TRIP12: variants seen among roughly 807,000 people sequenced by gnomAD.
TRIP12 encodes the protein E3 ubiquitin-protein ligase TRIP12.
Under a neutral mutation model 244.2 loss-of-function variants are expected in TRIP12, and 25 were observed. The observed-to-expected ratio is 0.10, with a 90% CI of 0.07 to 0.14. The LOEUF is 0.14. TRIP12 is among the 10% of genes least tolerant of loss of function. TRIP12 has a pLI of 1.00. For missense variants in TRIP12, 1,677 were observed against 2,486.4 expected (o/e 0.67, Z 6.92); for synonymous variants, 905 against 873.1 (o/e 1.04, Z -0.64).
Position 229,767,454 on chromosome 2 carries a change from A to T in TRIP12, c.*100T>A, listed in dbSNP as rs1442289786. The T allele has an allele frequency of 7.3e-7, 1 of 1,378,882 alleles. No individual in the cohort carries two copies. Among genetic ancestry groups the T allele is most frequent in the Non-Finnish European group, 9.6e-7 (1 of 1,039,096 alleles). 85.4% of individuals were successfully genotyped at this position (1,378,882 alleles called of 1,614,324 possible). ...GCAAGCCGTTTTTCCTACAACAAGA[A>T]GGCGTAACATGTTTCCTTGACTCAG... On this transcript the variant is annotated 3_prime_UTR_variant, in exon 42 of 42. Transcript: ENST00000675903.
At chr2:229,830,919 T>A in intron 6 of TRIP12, 80 bp from the exon 7 acceptor site, 1 of 1,234,496 alleles carries the variant, frequency 8.1e-7, no homozygotes. Flanking sequence ...AAAACCAAAG[T>A]TTTGCGGACT....
intron 38 of TRIP12, among the ~76,000 whole-genome samples, chr2:229,773,377 T>C (rs1287781545): frequency 6.6e-6 from 1 of 151,910 alleles, no homozygotes; most frequent in Non-Finnish European, 1.5e-5. Flanking sequence ...CCCAGCCTAA[T>C]ATATATATAT....
At chr2:229,870,830 C>T (rs956006060) in intron 2 of TRIP12, among the ~76,000 whole-genome samples, 3 of 152,172 alleles carry the variant, frequency 2.0e-5, no homozygotes, top group African/African-American at 7.2e-5. Context: ...GGTACACTGA[C>T]AGCTTGTCCT....
chr2:229,872,104 TAAAAAAAAAAAAAA>T (rs34496202), intron 2 of TRIP12, among the ~76,000 whole-genome samples: 3 of 105,264 alleles, frequency 2.8e-5, no homozygotes, highest in African/African-American at 3.5e-5. Flanking sequence ...ACAGATATTG[TAAAAAAAAAAAAAA>T]AAAAAAAAAA....
intron 2 of TRIP12, among the ~76,000 whole-genome samples, chr2:229,861,759 T>C (rs2060517318): frequency 6.6e-6 from 1 of 152,180 alleles, no homozygotes; most frequent in African/African-American, 2.4e-5. Context: ...TAAAAGAAGG[T>C]AAGAAATTAG....
intron 1 of TRIP12, among the ~76,000 whole-genome samples, chr2:229,912,657 A>G (rs1042808658): frequency 2.6e-5 from 4 of 152,206 alleles, no homozygotes; most frequent in Non-Finnish European, 5.9e-5. Context: ...TAAACTTCCA[A>G]GTACCCACTG....
intron 40 of TRIP12, 44 bp downstream of exon 40, chr2:229,769,187 A>T: frequency 6.4e-7 from 1 of 1,567,634 alleles, no homozygotes; most frequent in Non-Finnish European, 8.7e-7. Context: ...CCCTCTCCAC[A>T]TTCTTCAGAA....
intron 8 of TRIP12, among the ~76,000 whole-genome samples, chr2:229,826,185 GAA>G (rs1232476842): frequency 6.6e-6 from 1 of 152,032 alleles, no homozygotes; most frequent in Non-Finnish European, 1.5e-5. Context: ...TCTCATAAAT[GAA>G]AAGTGATTAT....
chr2:229,899,694 G>A (rs1455642099), intron 1 of TRIP12, among the ~76,000 whole-genome samples: 2 of 152,180 alleles, frequency 1.3e-5, no homozygotes, highest in African/African-American at 4.8e-5. Context: ...TCCAGGAAGA[G>A]CTGGTATATA....
At chr2:229,831,123 A>T (rs1361047179) in intron 6 of TRIP12, 1 of 715,708 alleles carries the variant, frequency 1.4e-6, no homozygotes, top group East Asian at 2.7e-5. Context: ...CTGTTCTTTA[A>T]TTAAGATGTC....
chr2:229,833,842 A>C (rs936312235), intron 6 of TRIP12, among the ~76,000 whole-genome samples: 10 of 152,122 alleles, frequency 6.6e-5, no homozygotes, highest in Non-Finnish European at 1.3e-4. Context: ...CAAAAAAAAA[A>C]CAAAAAAACT....
rs796336153 is a variant in TRIP12 at position 229,906,388 on chromosome 2, G to GA, written c.-50+15491dup. Among the ~76,000 whole-genome samples, 1,018 of 142,612 alleles carry GA rather than the reference G, an allele frequency of 7.1e-3. 7 individuals carry two copies. Among genetic ancestry groups the GA allele is most frequent in the Non-Finnish European group, 9.3e-3 (610 of 65,406 alleles). The allele number at this position is 142,612 out of a possible 152,430, so 93.6% of individuals were successfully genotyped here. On this transcript the variant is annotated intron_variant, in intron 1 of 41. Transcript: ENST00000675903. ...TTCATCAGGTTTTACATCTATTTCT[G>GA]AAAAAAAAAAAATAAATAAAAGACT...
intron 8 of TRIP12, among the ~76,000 whole-genome samples, chr2:229,824,623 A>T (rs1275960675): frequency 2.0e-5 from 3 of 152,248 alleles, no homozygotes; most frequent in Non-Finnish European, 2.9e-5. Flanking sequence ...TCAGTTGAAC[A>T]TGCAACATGC....
At chr2:229,847,366 CCA>C (rs2057776723) in intron 4 of TRIP12, among the ~76,000 whole-genome samples, 1 of 152,124 alleles carries the variant, frequency 6.6e-6, no homozygotes, top group Non-Finnish European at 1.5e-5. Flanking sequence ...AAAGTAATGC[CCA>C]CTGTCATGTA....
At chr2:229,769,706 G>A (rs1354635737) in intron 39 of TRIP12, among the ~76,000 whole-genome samples, 2 of 151,908 alleles carry the variant, frequency 1.3e-5, no homozygotes, top group African/African-American at 4.8e-5. Flanking sequence ...GAAACACAAA[G>A]GTATACAGTA....
rs772709313 is a variant in TRIP12 at position 229,852,678 on chromosome 2, T to C, written c.1027+6094A>G. The stretch of plus-strand genomic sequence containing the variant: ...AATGACCTTTGTCTCAGAGCTGTTT[T>C]GATGAGATACAGCTGGCAAGCAGCA... On this transcript the variant is annotated intron_variant, in intron 4 of 41. Coordinates refer to ENST00000675903, the MANE Select transcript of TRIP12 (RefSeq NM_001348323.3). Among the ~76,000 whole-genome samples, 8 of 152,196 alleles carry C rather than the reference T, an allele frequency of 5.3e-5. No individual in the cohort carries two copies. In the South Asian group the frequency reaches 1.7e-3, roughly 32 times the overall value.
At chr2:229,816,084 G>C (rs2048426489) in intron 9 of TRIP12, among the ~76,000 whole-genome samples, 1 of 152,060 alleles carries the variant, frequency 6.6e-6, no homozygotes. Flanking sequence ...CTGTCTTCTG[G>C]TTCAATGGAA....
intron 1 of TRIP12, among the ~76,000 whole-genome samples, chr2:229,917,738 G>C (rs976086540): frequency 1.3e-5 from 2 of 152,176 alleles, no homozygotes; most frequent in Admixed American, 6.5e-5. Context: ...CTTCCAAGCA[G>C]GTTGGAGTCC....
Position 229,858,977 on chromosome 2 carries a change from C to T in TRIP12, c.822G>A (p.Arg274=), listed in dbSNP as rs758321723. 1.9e-5 allele frequency: 31 copies of T among 1,614,068 alleles called. No individual in the cohort carries two copies. The highest frequency in any genetic ancestry group is 2.5e-5 in the Non-Finnish European group (30 of 1,180,050). Residue 274 remains arginine, a synonymous_variant, in exon 4 of 42, where the codon AGG becomes AGA. Coordinates refer to ENST00000675903, the MANE Select transcript of TRIP12 (RefSeq NM_001348323.3). ...VKQGKDQNKA[R]RSRSASSPSP... is the part of the protein sequence containing the mutation. ...TGGGACTGGACGCTGAACGGGAACG[C>T]CTGGCCTTGTTCTGATCTTTTCCTT...
Sources: allele counts gnomAD v4.1 joint callset (sites outside exome capture counted in the v4.1 genomes callset), GRCh38; gene constraint gnomAD v4.1.1; transcripts MANE v1.5; gene names NCBI Gene and HGNC (gene_info 2026-07-23, HGNC 2026-07-21).